The following SERPINB9 variants were observed in gnomAD, a reference collection of about 807,000 sequenced individuals.
SERPINB9 encodes the protein serpin family B member 9.
A neutral mutation model predicts 27.2 loss-of-function variants in SERPINB9; 20 were observed. The ratio of observed to expected loss-of-function variants is 0.74; its 90% CI spans 0.52 to 1.07. The LOEUF is 1.07. Ranked by LOEUF, SERPINB9 falls within the 50% of genes least tolerant of loss-of-function variation. SERPINB9 has a pLI of 0.00. For missense variants in SERPINB9, 476 were observed against 460.1 expected (o/e 1.03, Z -0.32); for synonymous variants, 189 against 180.0 (o/e 1.05, Z -0.40).
Position 2,888,217 on chromosome 6 carries a change from T to C in SERPINB9, c.*1946A>G, listed in dbSNP as rs1767660361. 6.6e-6 allele frequency: 1 copy of C among 152,226 alleles called. No individual in the cohort carries two copies. Among genetic ancestry groups the C allele is most frequent in the Non-Finnish European group, 1.5e-5 (1 of 68,034 alleles). The allele number at this position is 152,226 out of a possible 1,614,324, so 9.4% of individuals were successfully genotyped here. A position where few individuals can be genotyped will look rare whatever the true frequency, so the allele number is the denominator to read the frequency against. On this transcript the variant is annotated 3_prime_UTR_variant, in exon 7 of 7. Transcript: ENST00000380698. ...GTGAGGAAGTGGACAGAAATTGGAA[T>C]TCTCATACATTGCTGGTGGGAATGT...
At position 2,890,089 on chromosome 6, in the gene SERPINB9, T is replaced by C. The variant is rs778652392; in HGVS notation, c.*74A>G. 1 of 1,477,102 alleles carries C rather than the reference T, an allele frequency of 6.8e-7. No individual in the cohort carries two copies. The highest frequency in any genetic ancestry group is 9.2e-7 in the Non-Finnish European group (1 of 1,092,782). 91.5% of individuals were successfully genotyped at this position (1,477,102 alleles called of 1,614,324 possible). The stretch of plus-strand genomic sequence containing the variant: ...CTTTGCACTTGGCTTTCTAGGCCCA[T>C]CCTCTTGGAGCTGTAGTGGGGATCT... On this transcript the variant is annotated 3_prime_UTR_variant, in exon 7 of 7. Coordinates refer to ENST00000380698, the MANE Select transcript of SERPINB9 (RefSeq NM_004155.6). The surrounding 1 kb of genome is among the most constrained non-coding windows in gnomAD (Gnocchi z 6.2).
Position 2,891,324 on chromosome 6 carries a change from T to C in SERPINB9, c.723+509A>G, listed in dbSNP as rs1767794055. ...TAGGTCAAAGTTAAGACTTCCTCATTCTCTATTTCAGGTTCCTAGACTTTA... is the reference window on the plus strand; with the variant it reads ...TAGGTCAAAGTTAAGACTTCCTCATCCTCTATTTCAGGTTCCTAGACTTTA... On this transcript the variant is annotated intron_variant, in intron 6 of 6. Coordinates refer to ENST00000380698, the MANE Select transcript of SERPINB9 (RefSeq NM_004155.6). This position sits in a 1 kb window ranked among gnomAD's most constrained non-coding sequence, Gnocchi z 4.0. 6.6e-6 allele frequency among the ~76,000 whole-genome samples: 1 copy of C among 152,160 alleles called. No individual in the cohort carries two copies. The highest frequency in any genetic ancestry group is 2.1e-4 in the South Asian group (1 of 4,828).
chr6:2,900,885 T>TCTCTCTCACACACA (rs61100591), intron 1 of SERPINB9, among the ~76,000 whole-genome samples: 3 of 141,482 alleles, frequency 2.1e-5, no homozygotes, highest in African/African-American at 8.4e-5. Flanking sequence ...GCTCGCTCTC[T>TCTCTCTCACACACA]CACACACACA....
At position 2,896,070 on chromosome 6, in the gene SERPINB9, T is replaced by G; in HGVS notation, c.289A>C (p.Thr97Pro). ...RTANRLFGEKTCQFLSTFKES... is the reference protein window; with the variant it reads ...RTANRLFGEKPCQFLSTFKES... ...CAACTTACTGAGAGGAACTGACAAG[T>G]TTTCTCTCCAAAGAGCCTGTTGGCC... Residue 97 changes from threonine to proline, a missense_variant, in exon 3 of 7, where the codon ACT becomes CCT. Transcript: ENST00000380698. 6.2e-7 allele frequency: 1 copy of G among 1,613,250 alleles called. No individual in the cohort carries two copies. The highest frequency in any genetic ancestry group is 8.5e-7 in the Non-Finnish European group (1 of 1,179,802).
rs1384278524 is a variant in SERPINB9, at chr6:2,894,199, C to T, written c.425-646G>A. On this transcript the variant is annotated intron_variant, in intron 4 of 6. Transcript: ENST00000380698. This position sits in a 1 kb window ranked among gnomAD's most constrained non-coding sequence, Gnocchi z 4.7. ...CTGAAGAGAGCATCCGTGGTAAATA[C>T]TCCAAGCAGGAATGCGGGAAACAAC... 6.6e-6 allele frequency among the ~76,000 whole-genome samples: 1 copy of T among 152,160 alleles called. No individual in the cohort carries two copies. Among genetic ancestry groups the T allele is most frequent in the Non-Finnish European group, 1.5e-5 (1 of 68,036 alleles).
rs976445666 is a variant in SERPINB9 at position 2,888,059 on chromosome 6, G to A, written c.*2104C>T. ...TCAAAGGGACTGGATGTCCCATCTA[G>A]TTTGTACTTTAGTTTCTAGCTCATT... On this transcript the variant is annotated 3_prime_UTR_variant, in exon 7 of 7. Coordinates refer to ENST00000380698, the MANE Select transcript of SERPINB9 (RefSeq NM_004155.6). The A allele has an allele frequency of 2.6e-5, 4 of 151,926 alleles. No homozygotes were observed. The highest frequency in any genetic ancestry group is 5.9e-5 in the Non-Finnish European group (4 of 68,026). 9.4% of individuals were successfully genotyped at this position (151,926 alleles called of 1,614,324 possible). A position where few individuals can be genotyped will look rare whatever the true frequency, so the allele number is the denominator to read the frequency against.
chr6:2,899,093 A>G (rs1030406144), intron 2 of SERPINB9, among the ~76,000 whole-genome samples: 7 of 152,168 alleles, frequency 4.6e-5, no homozygotes, highest in Non-Finnish European at 1.0e-4. Flanking sequence ...GGAGCCATGG[A>G]GAGAGCTCAG....
At chr6:2,898,618 C>T (rs889306854) in intron 2 of SERPINB9, among the ~76,000 whole-genome samples, 1 of 152,086 alleles carries the variant, frequency 6.6e-6, no homozygotes, top group Non-Finnish European at 1.5e-5. Context: ...GTGATCGAGA[C>T]CATCCTGACT....
chr6:2,888,676 G>A lies in SERPINB9; in HGVS notation c.*1487C>T, dbSNP rs955277658. 1 of 152,178 alleles carries A rather than the reference G, an allele frequency of 6.6e-6. No individual in the cohort carries two copies. Among genetic ancestry groups the A allele is most frequent in the African/African-American group, 2.4e-5 (1 of 41,450 alleles). The allele number at this position is 152,178 out of a possible 1,614,324, so 9.4% of individuals were successfully genotyped here. A position where few individuals can be genotyped will look rare whatever the true frequency, so the allele number is the denominator to read the frequency against. On this transcript the variant is annotated 3_prime_UTR_variant, in exon 7 of 7. Transcript: ENST00000380698. ...TGGTGGTTGCTGGGGGCTGGAGGAA[G>A]GAAGGAATGGAGAGTATCTGCTTAA...
At position 2,890,487 on chromosome 6, in the gene SERPINB9, A is replaced by G; in HGVS notation, c.807T>C (p.Leu269=). 2 of 1,614,176 alleles carry G rather than the reference A, an allele frequency of 1.2e-6. No individual in the cohort carries two copies. Among genetic ancestry groups the G allele is most frequent in the Non-Finnish European group, 1.7e-6 (2 of 1,180,026 alleles). The change falls in exon 7 of 7, where the codon CTT becomes CTC. Residue 269 remains leucine (L), a synonymous_variant. Coordinates refer to ENST00000380698, the MANE Select transcript of SERPINB9 (RefSeq NM_004155.6). This position sits in a 1 kb window ranked among gnomAD's most constrained non-coding sequence, Gnocchi z 6.2. The stretch of plus-strand genomic sequence containing the variant: ...AATCCTCTTGTAGTTTAAATTTTGG[A>G]AGGAGAACTTCAACCTCAGTACTCT... ...CMKSTEVEVL[L]PKFKLQEDYD...
Position 2,889,096 on chromosome 6 carries a change from C to A in SERPINB9, c.*1067G>T, listed in dbSNP as rs928046671. On this transcript the variant is annotated 3_prime_UTR_variant, in exon 7 of 7. Coordinates refer to ENST00000380698, the MANE Select transcript of SERPINB9 (RefSeq NM_004155.6). Reference sequence around the variant, plus strand: ...GAGTTCAAATATGTACATCTGGTTGCGGAGAAAGGAAAAACTTCTCAAAGA... The same window carrying A: ...GAGTTCAAATATGTACATCTGGTTGAGGAGAAAGGAAAAACTTCTCAAAGA... 6.6e-6 allele frequency: 1 copy of A among 151,984 alleles called. No homozygotes were observed. The highest frequency in any genetic ancestry group is 2.4e-5 in the African/African-American group (1 of 41,358). The allele number at this position is 151,984 out of a possible 1,614,324, so 9.4% of individuals were successfully genotyped here.
chr6:2,889,467 G>T lies in SERPINB9; in HGVS notation c.*696C>A, dbSNP rs955366547. ...TCCCAGCACTTTGGGAGGCCGAGGC[G>T]GGTGGATCACGAGGTCAGGAGATCG... On this transcript the variant is annotated 3_prime_UTR_variant, in exon 7 of 7. Transcript: ENST00000380698. 6.6e-6 allele frequency: 1 copy of T among 151,846 alleles called. No individual in the cohort carries two copies. Among genetic ancestry groups the T allele is most frequent in the Non-Finnish European group, 1.5e-5 (1 of 68,000 alleles). The allele number at this position is 151,846 out of a possible 1,614,324, so 9.4% of individuals were successfully genotyped here. A position where few individuals can be genotyped will look rare whatever the true frequency, so the allele number is the denominator to read the frequency against.
rs1233729470 is a variant in SERPINB9, at chr6:2,889,404, G to A, written c.*759C>T. 1 of 152,270 alleles carries A rather than the reference G, an allele frequency of 6.6e-6. No homozygotes were observed. The highest frequency in any genetic ancestry group is 1.9e-4 in the East Asian group (1 of 5,194). 9.4% of individuals were successfully genotyped at this position (152,270 alleles called of 1,614,324 possible). ...GTAAATGTCAAAGAAAAAGATAAAA[G>A]ATAAAATATAGCCGGGCGCGGTGGC... On this transcript the variant is annotated 3_prime_UTR_variant, in exon 7 of 7. Transcript: ENST00000380698.
chr6:2,889,895 A>C lies in SERPINB9; in HGVS notation c.*268T>G, dbSNP rs1767728831. ...AGTGAATTGCATGTGGAATTCTAGA[A>C]GAACTTTGCTTGCCATCCTATGGGA... On this transcript the variant is annotated 3_prime_UTR_variant, in exon 7 of 7. Coordinates refer to ENST00000380698, the MANE Select transcript of SERPINB9 (RefSeq NM_004155.6). 2.8e-6 allele frequency: 1 copy of C among 357,462 alleles called. No individual in the cohort carries two copies. 22.1% of individuals were successfully genotyped at this position (357,462 alleles called of 1,614,324 possible).
In SERPINB9 at chr6:2,902,431, G is replaced by T. The variant is rs542934682; in HGVS notation, c.-11+770C>A. ...CATTCGTTTAGCTGAATTATTGAAA[G>T]AATTAAGATGGATAAGAGTGCTCAG... On this transcript the variant is annotated intron_variant, in intron 1 of 6. Coordinates refer to ENST00000380698, the MANE Select transcript of SERPINB9 (RefSeq NM_004155.6). 9.2e-5 allele frequency among the ~76,000 whole-genome samples: 14 copies of T among 152,222 alleles called. 1 individual carries two copies. Among genetic ancestry groups the T allele is most frequent in the African/African-American group, 3.4e-4 (14 of 41,464 alleles).
intron 1 of SERPINB9, among the ~76,000 whole-genome samples, chr6:2,902,344 C>T (rs1768234108): frequency 1.3e-5 from 2 of 152,218 alleles, no homozygotes; most frequent in South Asian, 2.1e-4. Context: ...TGCTGGTGGT[C>T]CCCACAGACC....
chr6:2,900,484 A>G lies in SERPINB9; in HGVS notation c.128T>C (p.Leu43Pro). Residue 43 changes from leucine to proline, a missense_variant, in exon 2 of 7, where the codon CTC becomes CCC. Coordinates refer to ENST00000380698, the MANE Select transcript of SERPINB9 (RefSeq NM_004155.6). ...TGCGGTGTTTCCCTTTGCCCCTAGG[A>G]GAACCATGGCCAGGGCAGAGGAGAT... ...VSISSALAMV[L>P]LGAKGNTATQ... 6.2e-7 allele frequency: 1 copy of G among 1,614,188 alleles called. No individual in the cohort carries two copies. The highest frequency in any genetic ancestry group is 2.2e-5 in the East Asian group (1 of 44,888).
chr6:2,893,375 C>A (rs1334268999), intron 5 of SERPINB9, 36 bp downstream of exon 5: 1 of 1,579,138 alleles, frequency 6.3e-7, no homozygotes, highest in Non-Finnish European at 8.6e-7. Flanking sequence ...TCAACTTCTT[C>A]ATCAAACTAG....
At position 2,891,889 on chromosome 6, in the gene SERPINB9, T is replaced by A; in HGVS notation, c.667A>T (p.Arg223Trp). The A allele has an allele frequency of 6.2e-7, 1 of 1,612,504 alleles. No individual in the cohort carries two copies. Among genetic ancestry groups the A allele is most frequent in the Middle Eastern group, 1.7e-4 (1 of 6,060 alleles). Residue 223 changes from arginine (R) to tryptophan (W), a missense_variant, in exon 6 of 7, where the codon AGG (arginine) becomes TGG (tryptophan). Arg to Trp is a moderately radical substitution (Grantham distance 101). Transcript: ENST00000380698. This position sits in a 1 kb window ranked among gnomAD's most constrained non-coding sequence, Gnocchi z 4.0. ...RAQLLELPYA[R>W]KELSLLVLLP... Reference sequence around the variant, plus strand: ...AGCACCAGCAGGCTCAGCTCCTTCCTGGCGTAGGGCAGCTCCAGCAGCTGC... The same window carrying A: ...AGCACCAGCAGGCTCAGCTCCTTCCAGGCGTAGGGCAGCTCCAGCAGCTGC...
Sources: allele counts gnomAD v4.1 joint callset (sites outside exome capture counted in the v4.1 genomes callset), GRCh38; gene constraint gnomAD v4.1.1; non-coding constraint Gnocchi (gnomAD v3.1); transcripts MANE v1.5; gene names NCBI Gene and HGNC (gene_info 2026-07-23, HGNC 2026-07-21).